The following SLX4IP variants were observed in gnomAD, a reference collection of about 807,000 sequenced individuals.
The protein encoded by SLX4IP is protein SLX4IP.
A neutral mutation model predicts 32.9 loss-of-function variants in SLX4IP; 34 were observed. The observed-to-expected ratio is 1.03, with a 90% CI of 0.79 to 1.38. SLX4IP has a LOEUF of 1.38. Ranked by LOEUF, SLX4IP falls within the 40% of genes most tolerant of loss-of-function variation. The probability of loss-of-function intolerance (pLI) is 0.00; values close to 1 mark genes in which losing one functional copy is unlikely to be tolerated. For synonymous variants in SLX4IP, 172 were observed against 171.7 expected, an observed-to-expected ratio of 1.00 and a Z score of -0.01; for missense variants, 444 against 479.0, an observed-to-expected ratio of 0.93 and a Z score of 0.68.
chr20:10,601,831 A>C lies in SLX4IP; in HGVS notation c.405+12A>C, dbSNP rs2066845620. 6.2e-7 allele frequency: 1 copy of C among 1,604,058 alleles called. No individual in the cohort carries two copies. Among genetic ancestry groups the C allele is most frequent in the African/African-American group, 1.3e-5 (1 of 74,722 alleles). ...AGAATGAAGATTTGGTGAGTATGAAAAAATTCTATAAACAAATAAGTCTGC... is the reference window on the plus strand; with the variant it reads ...AGAATGAAGATTTGGTGAGTATGAACAAATTCTATAAACAAATAAGTCTGC... On this transcript the variant is annotated intron_variant, in intron 6 of 7. Transcript: ENST00000334534.
intron 2 of SLX4IP, among the ~76,000 whole-genome samples, chr20:10,478,059 T>C (rs1449505599): frequency 2.0e-5 from 3 of 151,972 alleles, no homozygotes; most frequent in Admixed American, 2.0e-4. Context: ...CTGCCACGCC[T>C]GGCTAATTTT....
At chr20:10,588,202 C>T (rs373672802) in intron 4 of SLX4IP, among the ~76,000 whole-genome samples, 86 of 152,086 alleles carry the variant, frequency 5.7e-4, no homozygotes, top group Middle Eastern at 3.4e-3. Flanking sequence ...GGGGAAGGAC[C>T]TAAGTAGATA....
At chr20:10,464,900 C>A (rs892977366) in intron 2 of SLX4IP, among the ~76,000 whole-genome samples, 5 of 152,202 alleles carry the variant, frequency 3.3e-5, no homozygotes, top group African/African-American at 7.2e-5. Flanking sequence ...AACTGTCCTC[C>A]CGACTTGGCC....
chr20:10,552,831 C>CTT (rs1348278437), intron 2 of SLX4IP, among the ~76,000 whole-genome samples: 1 of 138,104 alleles, frequency 7.2e-6, no homozygotes, highest in Admixed American at 7.2e-5. Context: ...CCCCCACCCC[C>CTT]TTTTTTTTTT....
At chr20:10,608,299 A>G (rs2066927260) in intron 6 of SLX4IP, among the ~76,000 whole-genome samples, 1 of 152,216 alleles carries the variant, frequency 6.6e-6, no homozygotes, top group Admixed American at 6.5e-5. Flanking sequence ...CTTGTTAAGC[A>G]AAGGTAAACA....
intron 4 of SLX4IP, among the ~76,000 whole-genome samples, chr20:10,578,477 A>G (rs2066546965): frequency 6.6e-6 from 1 of 152,234 alleles, no homozygotes; most frequent in Non-Finnish European, 1.5e-5. Flanking sequence ...TTGTCCATTC[A>G]TCAATTGATG....
chr20:10,536,182 A>C (rs1215735574), intron 2 of SLX4IP, among the ~76,000 whole-genome samples: 1 of 152,154 alleles, frequency 6.6e-6, no homozygotes, highest in African/African-American at 2.4e-5. Context: ...GTTTTTTGGA[A>C]TGTGACAAGT....
intron 2 of SLX4IP, among the ~76,000 whole-genome samples, chr20:10,510,902 C>T (rs71334892): frequency 0.051 from 7,837 of 152,256 alleles, 268 homozygotes; most frequent in Middle Eastern, 0.075. Flanking sequence ...TCGCACCCGG[C>T]GGTGCCTGGC....
At chr20:10,483,127 G>A (rs889159548) in intron 2 of SLX4IP, among the ~76,000 whole-genome samples, 3 of 152,026 alleles carry the variant, frequency 2.0e-5, no homozygotes, top group East Asian at 1.9e-4. Context: ...TTGTTTGTTC[G>A]TTTGTTTGTT....
intron 4 of SLX4IP, among the ~76,000 whole-genome samples, chr20:10,571,628 T>C (rs1352728786): frequency 6.6e-6 from 1 of 152,178 alleles, no homozygotes; most frequent in Non-Finnish European, 1.5e-5. Context: ...CAGCACTCAT[T>C]GTTCCAGTTG....
At chr20:10,589,370 T>C (rs531397298) in intron 4 of SLX4IP, among the ~76,000 whole-genome samples, 97 of 152,286 alleles carry the variant, frequency 6.4e-4, no homozygotes, top group African/African-American at 2.3e-3. Flanking sequence ...TTCATGCAAC[T>C]GGACAAGCTA....
intron 2 of SLX4IP, among the ~76,000 whole-genome samples, chr20:10,515,785 A>C (rs556505115): frequency 1.3e-5 from 2 of 152,190 alleles, no homozygotes; most frequent in Admixed American, 6.5e-5. Flanking sequence ...GTATCAGATG[A>C]TTATTTCTTT....
At chr20:10,607,546 G>A (rs1383561958) in intron 6 of SLX4IP, among the ~76,000 whole-genome samples, 1 of 152,116 alleles carries the variant, frequency 6.6e-6, no homozygotes, top group Non-Finnish European at 1.5e-5. Flanking sequence ...AATCAGTTAA[G>A]GCCAAGGCTC....
intron 2 of SLX4IP, among the ~76,000 whole-genome samples, chr20:10,531,663 G>A (rs774068281): frequency 1.3e-5 from 2 of 152,162 alleles, no homozygotes; most frequent in Non-Finnish European, 2.9e-5. Context: ...ATACCGAGAC[G>A]TGTGACAAAG....
At chr20:10,619,270 G>C (rs1211162919) in intron 6 of SLX4IP, among the ~76,000 whole-genome samples, 1 of 143,186 alleles carries the variant, frequency 7.0e-6, no homozygotes, top group Non-Finnish European at 1.5e-5. Flanking sequence ...TTTTGAACAG[G>C]ACATTTCCTC....
intron 2 of SLX4IP, among the ~76,000 whole-genome samples, chr20:10,515,663 T>C (rs1316739116): frequency 6.6e-6 from 1 of 152,252 alleles, no homozygotes; most frequent in Non-Finnish European, 1.5e-5. Context: ...GTCTTCTGGA[T>C]GAAATTCATG....
chr20:10,581,728 C>T (rs2066588253), intron 4 of SLX4IP, among the ~76,000 whole-genome samples: 1 of 151,958 alleles, frequency 6.6e-6, no homozygotes, highest in Non-Finnish European at 1.5e-5. Context: ...CCAGCCTGGG[C>T]AACATAGTGA....
chr20:10,618,833 A>G (rs1049096953), intron 6 of SLX4IP, among the ~76,000 whole-genome samples: 2 of 151,288 alleles, frequency 1.3e-5, no homozygotes, highest in African/African-American at 2.4e-5. Context: ...TTGCATTTTG[A>G]TGCCAGATGT....
At chr20:10,553,486 C>T (rs1157590103) in intron 2 of SLX4IP, among the ~76,000 whole-genome samples, 1 of 152,136 alleles carries the variant, frequency 6.6e-6, no homozygotes, top group Non-Finnish European at 1.5e-5. Context: ...TAAATAAGTC[C>T]ATGGCACAGG....
Sources: allele counts gnomAD v4.1 joint callset (sites outside exome capture counted in the v4.1 genomes callset), GRCh38; gene constraint gnomAD v4.1.1; transcripts MANE v1.5; gene names NCBI Gene and HGNC (gene_info 2026-07-23, HGNC 2026-07-21).